Variants in DHX30 observed in about 807,000 individuals in gnomAD.
DHX30 encodes DExH-box helicase 30, also known as ATP-dependent RNA helicase DHX30.
DHX30 carries 4 observed loss-of-function variants against 116.9 expected under a neutral mutation model. The ratio of observed to expected loss-of-function variants is 0.03; its 90% confidence interval spans 0.02 to 0.08. The LOEUF (loss-of-function observed/expected upper bound fraction) is 0.08. DHX30 is among the 10% of genes least tolerant of loss of function. The pLI, the probability that DHX30 is intolerant of heterozygous loss-of-function variation, is 1.00. For synonymous variants in DHX30, 697 were observed against 651.7 expected (o/e 1.07, Z -1.06); for missense variants, 871 against 1,595.1 (o/e 0.55, Z 7.73).
chr3:47,847,392 TGCA>T lies in DHX30; in HGVS notation c.2006-36_2006-34del. The stretch of plus-strand genomic sequence containing the variant: ...GTCCCATGCTAGCCCTGGCCACGTT[TGCA>T]GCAACAGCTGGCTCATGCCCCAGGG... On this transcript the variant is annotated intron_variant, in intron 12 of 21. Coordinates refer to ENST00000445061, the MANE Select transcript of DHX30 (RefSeq NM_138615.3). This position sits in a 1 kb window ranked among gnomAD's most constrained non-coding sequence, Gnocchi z 5.5. 1 of 1,614,168 alleles carries T rather than the reference TGCA, an allele frequency of 6.2e-7. No individual in the cohort carries two copies. The highest frequency in any genetic ancestry group is 8.5e-7 in the Non-Finnish European group (1 of 1,179,998).
chr3:47,824,885 C>T (rs928911279), intron 4 of DHX30: 3 of 474,052 alleles, frequency 6.3e-6, no homozygotes, highest in African/African-American at 2.1e-5. Context: ...AGGCCCAGGG[C>T]TGTGGTGAGC....
intron 3 of DHX30, chr3:47,816,766 G>A: frequency 2.0e-6 from 2 of 985,432 alleles, no homozygotes; most frequent in Non-Finnish European, 2.4e-6. Flanking sequence ...CTGGGACTGT[G>A]GGGGAGGAGG....
intron 4 of DHX30, among the ~76,000 whole-genome samples, chr3:47,821,692 G>T (rs2036308819): frequency 6.6e-6 from 1 of 152,152 alleles, no homozygotes; most frequent in African/African-American, 2.4e-5. Flanking sequence ...TCCCTCCTGG[G>T]TTTGAGCCAT....
Position 47,847,183 on chromosome 3 carries a change from C to T in DHX30, c.1930-90C>T, listed in dbSNP as rs767541949. The T allele has an allele frequency of 3.6e-5, 56 of 1,545,502 alleles. No individual in the cohort carries two copies. Among genetic ancestry groups the T allele is most frequent in the Non-Finnish European group, 4.6e-5 (51 of 1,120,534 alleles). Reference sequence around the variant, plus strand: ...CGTGAGGATTGGAGTTGATGTCAAGCGGCTCCGTCTCACTGAGTCAGGTGG... The same window carrying T: ...CGTGAGGATTGGAGTTGATGTCAAGTGGCTCCGTCTCACTGAGTCAGGTGG... On this transcript the variant is annotated intron_variant, in intron 11 of 21. Coordinates refer to ENST00000445061, the MANE Select transcript of DHX30 (RefSeq NM_138615.3). This position sits in a 1 kb window ranked among gnomAD's most constrained non-coding sequence, Gnocchi z 5.5.
intron 2 of DHX30, among the ~76,000 whole-genome samples, chr3:47,808,668 C>T (rs1397204348): frequency 1.3e-5 from 2 of 150,986 alleles, no homozygotes; most frequent in East Asian, 1.9e-4. Flanking sequence ...CTCCGCTTCT[C>T]GGGTTCAAGC....
In DHX30 at chr3:47,829,124, A is replaced by G; in HGVS notation, c.356A>G (p.Gln119Arg). The G allele has an allele frequency of 1.3e-6, 2 of 1,571,476 alleles. No homozygotes were observed. Among genetic ancestry groups the G allele is most frequent in the Non-Finnish European group, 8.6e-7 (1 of 1,159,646 alleles). Reference sequence around the variant, plus strand: ...CGGCAGGCTGCAGCTGCAGCCTGCCAGCTGTTCAAGGTGACCCTTCCTCAG... The same window carrying G: ...CGGCAGGCTGCAGCTGCAGCCTGCCGGCTGTTCAAGGTGACCCTTCCTCAG... ...AERQAAAAAC[Q>R]LFKGWGLLGP... The change falls in exon 6 of 22, where the codon CAG (glutamine) becomes CGG (arginine). Residue 119 changes from glutamine (Q) to arginine (R), a missense_variant. Transcript: ENST00000445061.
In DHX30 at chr3:47,848,523, G is replaced by C; in HGVS notation, c.2548G>C (p.Glu850Gln). 1 of 1,613,974 alleles carries C rather than the reference G, an allele frequency of 6.2e-7. No individual in the cohort carries two copies. Among genetic ancestry groups the C allele is most frequent in the Non-Finnish European group, 8.5e-7 (1 of 1,179,952 alleles). Residue 850 changes from glutamate to glutamine, a missense_variant, in exon 16 of 22, where the codon GAG (glutamate) becomes CAG (glutamine). Transcript: ENST00000445061. This position sits in a 1 kb window ranked among gnomAD's most constrained non-coding sequence, Gnocchi z 9.4. ...VDSPNIKAVD[E>Q]AVILLQEIGV... Reference sequence around the variant, plus strand: ...CAGTCCAAACATCAAGGCAGTGGACGAGGCTGTGATCTTGCTCCAGGAGAT... The same window carrying C: ...CAGTCCAAACATCAAGGCAGTGGACCAGGCTGTGATCTTGCTCCAGGAGAT...
At chr3:47,808,815 G>T (rs1427876278) in intron 2 of DHX30, among the ~76,000 whole-genome samples, 1 of 151,784 alleles carries the variant, frequency 6.6e-6, no homozygotes, top group Non-Finnish European at 1.5e-5. Flanking sequence ...ACCTCAGGGT[G>T]ATCCGCCCAC....
chr3:47,829,012 T>G lies in DHX30; in HGVS notation c.256-12T>G. The G allele has an allele frequency of 3.2e-6, 5 of 1,573,610 alleles. No individual in the cohort carries two copies. Among genetic ancestry groups the G allele is most frequent in the Non-Finnish European group, 4.4e-6 (5 of 1,147,252 alleles). ...GTGGCAAGACTTCTGATTTCTCTCTTCTCTTCCCCAGAAAGTCACACTGCA... is the reference window on the plus strand; with the variant it reads ...GTGGCAAGACTTCTGATTTCTCTCTGCTCTTCCCCAGAAAGTCACACTGCA... On this transcript the variant is annotated splice_polypyrimidine_tract_variant and intron_variant, in intron 5 of 21. Coordinates refer to ENST00000445061, the MANE Select transcript of DHX30 (RefSeq NM_138615.3).
chr3:47,810,567 G>A lies in DHX30; in HGVS notation c.-27-90G>A, dbSNP rs986852542. On this transcript the variant is annotated intron_variant, in intron 2 of 21. Coordinates refer to ENST00000445061, the MANE Select transcript of DHX30 (RefSeq NM_138615.3). Reference sequence around the variant, plus strand: ...AAGAGTTTCATTTTTTTCATTTTCTGAACAGTGCTCTCCATGTTACTGAAG... The same window carrying A: ...AAGAGTTTCATTTTTTTCATTTTCTAAACAGTGCTCTCCATGTTACTGAAG... The A allele has an allele frequency of 1.3e-5, 14 of 1,055,672 alleles. No homozygotes were observed. The African/African-American group carries it at 2.1e-4, about 16-fold the overall frequency. 65.4% of individuals were successfully genotyped at this position (1,055,672 alleles called of 1,614,324 possible). A position where few individuals can be genotyped will look rare whatever the true frequency, so the allele number is the denominator to read the frequency against.
At chr3:47,816,646 G>C (rs977874879) in intron 3 of DHX30, 4 of 985,454 alleles carry the variant, frequency 4.1e-6, no homozygotes, top group Non-Finnish European at 4.8e-6. Flanking sequence ...GTGAGCCACC[G>C]CGCCGGGCTA....
At chr3:47,808,971 C>T (rs1324853200) in intron 2 of DHX30, among the ~76,000 whole-genome samples, 1 of 152,046 alleles carries the variant, frequency 6.6e-6, no homozygotes, top group Non-Finnish European at 1.5e-5. Context: ...TCACTGCAAC[C>T]TCTGCTTCCC....
chr3:47,810,657 G>T lies in DHX30; in HGVS notation c.-27G>T. 1 of 1,613,810 alleles carries T rather than the reference G, an allele frequency of 6.2e-7. No individual in the cohort carries two copies. ...GCCTCTTGGCCCTCCTTGTTCTCAG[G>T]ATTCCAGCTTTCCCTCCTGGCCAGA... is the stretch of plus-strand genomic sequence containing the variant. On this transcript the variant is annotated splice_region_variant and 5_prime_UTR_variant, in exon 3 of 22. Transcript: ENST00000445061.
chr3:47,807,703 C>CAAAAAAA (rs1202083372), intron 2 of DHX30, among the ~76,000 whole-genome samples: 4 of 32,730 alleles, frequency 1.2e-4, no homozygotes, highest in South Asian at 1.5e-3. Context: ...GACTCTGTCT[C>CAAAAAAA]AAAAAAAAAA....
Position 47,848,850 on chromosome 3 carries a change from C to T in DHX30, c.2769+33C>T. On this transcript the variant is annotated intron_variant, in intron 17 of 21. Transcript: ENST00000445061. This position sits in a 1 kb window ranked among gnomAD's most constrained non-coding sequence, Gnocchi z 9.4. ...CTGGCTCCTTCCTGGAGCCGTCCACCCACTGCTGTTCTGAGGGGGCGTTGT... is the reference window on the plus strand; with the variant it reads ...CTGGCTCCTTCCTGGAGCCGTCCACTCACTGCTGTTCTGAGGGGGCGTTGT... The T allele has an allele frequency of 6.2e-7, 1 of 1,601,436 alleles. No individual in the cohort carries two copies. The highest frequency in any genetic ancestry group is 1.7e-4 in the Middle Eastern group (1 of 6,026).
intron 6 of DHX30, among the ~76,000 whole-genome samples, chr3:47,836,387 C>G (rs912289656): frequency 3.9e-5 from 6 of 152,146 alleles, no homozygotes; most frequent in African/African-American, 1.4e-4. Context: ...CTGCCTCTGC[C>G]TCCGCCTCCC....
intron 2 of DHX30, among the ~76,000 whole-genome samples, chr3:47,807,603 G>C (rs1055520834): frequency 4.0e-5 from 6 of 149,128 alleles, no homozygotes; most frequent in Admixed American, 1.3e-4. Flanking sequence ...TACTTGGAAG[G>C]CTGAGACAGG....
At chr3:47,815,938 TC>T (rs2036032849) in intron 3 of DHX30, 2 of 981,620 alleles carry the variant, frequency 2.0e-6, no homozygotes, top group African/African-American at 1.8e-5. Flanking sequence ...AATCATTTAT[TC>T]TTTTTTTTTT....
chr3:47,831,756 C>G (rs1345763622), intron 6 of DHX30, among the ~76,000 whole-genome samples: 1 of 151,428 alleles, frequency 6.6e-6, no homozygotes, highest in Non-Finnish European at 1.5e-5. Context: ...AGCCATCCTC[C>G]CGCCTCAGCC....
Sources: gnomAD v4.1 joint callset for allele counts (sites outside exome capture counted in the v4.1 genomes callset) on GRCh38, gnomAD v4.1.1 for gene constraint, Gnocchi (gnomAD v3.1) non-coding constraint, MANE v1.5 for transcripts, NCBI Gene and HGNC (gene_info 2026-07-23, HGNC 2026-07-21) for gene names.